PHF19: variants seen among roughly 807,000 people sequenced by gnomAD.
PHF19 encodes the protein PHD finger protein 19, also known as polycomb like 3.
PHF19 carries 21 observed loss-of-function variants against 79.8 expected under a neutral mutation model. That is an observed-to-expected ratio of 0.26 (90% CI 0.19 to 0.38). The LOEUF (loss-of-function observed/expected upper bound fraction) is 0.38. Among genes scored for constraint, PHF19 ranks in the 10% least tolerant of loss-of-function variants. PHF19 has a pLI of 1.00. For synonymous variants in PHF19, 273 were observed against 296.3 expected (o/e 0.92, Z 0.81); for missense variants, 445 against 744.2 (o/e 0.60, Z 4.68).
Position 120,860,914 on chromosome 9 carries a change from G to C in PHF19, c.1304+175C>G. On this transcript the variant is annotated intron_variant, in intron 13 of 14. Coordinates refer to ENST00000373896, the MANE Select transcript of PHF19 (RefSeq NM_015651.3). This position sits in a 1 kb window ranked among gnomAD's most constrained non-coding sequence, Gnocchi z 4.1. The stretch of plus-strand genomic sequence containing the variant: ...GGGCAAGGTGGGGAGGGCTGGAGAA[G>C]AGGGGAGGGCTGTGGTGCTCTGGGA... 1.7e-6 allele frequency: 1 copy of C among 584,930 alleles called. No homozygotes were observed. The highest frequency in any genetic ancestry group is 3.1e-6 in the Non-Finnish European group (1 of 320,714). The allele number at this position is 584,930 out of a possible 1,614,324, so 36.2% of individuals were successfully genotyped here.
At chr9:120,899,182 C>G (rs1197459852), upstream of PHF19, among the ~76,000 whole-genome samples, 424 of 102,540 alleles carry the variant, frequency 4.1e-3, no homozygotes, top group Middle Eastern at 0.034. Flanking sequence ...CTGGGCGACA[C>G]AACGAGACTC....
upstream of PHF19, among the ~76,000 whole-genome samples, chr9:120,895,341 C>A (rs966195016): frequency 6.6e-6 from 1 of 151,854 alleles, no homozygotes; most frequent in Admixed American, 6.6e-5. Flanking sequence ...AATCCTAGCA[C>A]TTAGGGATGG....
upstream of PHF19, among the ~76,000 whole-genome samples, chr9:120,881,141 G>A (rs1264823579): frequency 1.9e-5 from 2 of 104,870 alleles, no homozygotes; most frequent in Admixed American, 1.0e-4. Context: ...GAAGCACATC[G>A]GGGGTTTGTT....
chr9:120,898,937 G>T (rs904138623), upstream of PHF19, among the ~76,000 whole-genome samples: 1 of 152,106 alleles, frequency 6.6e-6, no homozygotes, highest in Admixed American at 6.5e-5. Flanking sequence ...GGTGGCTCAT[G>T]CCTGTAATCC....
At position 120,860,781 on chromosome 9, in the gene PHF19, T is replaced by C; in HGVS notation, c.1304+308A>G. On this transcript the variant is annotated intron_variant, in intron 13 of 14. Transcript: ENST00000373896. This position sits in a 1 kb window ranked among gnomAD's most constrained non-coding sequence, Gnocchi z 4.1. Reference sequence around the variant, plus strand: ...AGCCTTCCTGGAAGAAGCAGGGTCCTGAGTTTTCAGATGGGCTAGGGCAAG... The same window carrying C: ...AGCCTTCCTGGAAGAAGCAGGGTCCCGAGTTTTCAGATGGGCTAGGGCAAG... 3.3e-6 allele frequency: 1 copy of C among 307,336 alleles called. No homozygotes were observed. Among genetic ancestry groups the C allele is most frequent in the Non-Finnish European group, 6.3e-6 (1 of 157,748 alleles). 19.0% of individuals were successfully genotyped at this position (307,336 alleles called of 1,614,324 possible). A position where few individuals can be genotyped will look rare whatever the true frequency, so the allele number is the denominator to read the frequency against.
chr9:120,890,273 CTTTTTTTT>C (rs10658749), intron 1 of PHF19, among the ~76,000 whole-genome samples: 1 of 115,398 alleles, frequency 8.7e-6, no homozygotes. Flanking sequence ...AATGAGCCTG[CTTTTTTTT>C]TTTTTTTTTT....
chr9:120,861,213 G>T, intron 12 of PHF19, 39 bp from the exon 13 acceptor site: 2 of 1,193,468 alleles, frequency 1.7e-6, no homozygotes, highest in South Asian at 1.2e-5. Flanking sequence ...GTCAGACAGC[G>T]AGTATCAAAT....
chr9:120,881,208 C>T (rs1407036892), upstream of PHF19, among the ~76,000 whole-genome samples: 8 of 145,410 alleles, frequency 5.5e-5, no homozygotes, highest in African/African-American at 7.7e-5. Flanking sequence ...AGTGCAGTGG[C>T]GCGATCTCGG....
At chr9:120,899,644 G>T (rs374712807), upstream of PHF19, among the ~76,000 whole-genome samples, 51 of 152,336 alleles carry the variant, frequency 3.3e-4, 1 homozygote, top group African/African-American at 1.2e-3. Context: ...AGAAGCTGAG[G>T]CTTAGTTAGC....
rs140712884 is a variant in PHF19, at chr9:120,893,980, C to T, written c.42+808G>A. On this transcript the variant is annotated intron_variant, in intron 1 of 14. Coordinates refer to the PHF19 transcript ENST00000616568. ...CAAAATCTCCAGCCTCACTCCAGAA[C>T]TACTGACTCAAACCATGTGGGGCCC... Among the ~76,000 whole-genome samples the T allele has an allele frequency of 8.5e-4, 130 of 152,336 alleles. 1 individual carries two copies. Among genetic ancestry groups the T allele is most frequent in the Admixed American group, 6.0e-3 (92 of 15,302 alleles).
intron 6 of PHF19, chr9:120,868,819 C>G: frequency 9.6e-6 from 10 of 1,040,332 alleles, no homozygotes; most frequent in Non-Finnish European, 1.2e-5. Flanking sequence ...TCCCTGGGGC[C>G]CTGCTTGGGC....
upstream of PHF19, among the ~76,000 whole-genome samples, chr9:120,878,851 C>T (rs183272130): frequency 2.9e-4 from 44 of 152,322 alleles, no homozygotes; most frequent in African/African-American, 1.1e-3. Context: ...TAGGATTGTG[C>T]TACTTAACCA....
Position 120,874,183 on chromosome 9 carries a change from G to A in PHF19, c.187-123C>T. Reference sequence around the variant, plus strand: ...GAAAGCAGGGCTAGAAGGGGAAGAAGGATGGCAGTTCCTGGACAGGGTGTA... The same window carrying A: ...GAAAGCAGGGCTAGAAGGGGAAGAAAGATGGCAGTTCCTGGACAGGGTGTA... On this transcript the variant is annotated intron_variant, in intron 2 of 14. Coordinates refer to ENST00000373896, the MANE Select transcript of PHF19 (RefSeq NM_015651.3). This position sits in a 1 kb window ranked among gnomAD's most constrained non-coding sequence, Gnocchi z 4.5. The A allele has an allele frequency of 1.5e-6, 1 of 646,868 alleles. No individual in the cohort carries two copies. The allele number at this position is 646,868 out of a possible 1,614,324, so 40.1% of individuals were successfully genotyped here.
chr9:120,895,761 T>C (rs2046396179), upstream of PHF19, among the ~76,000 whole-genome samples: 1 of 152,168 alleles, frequency 6.6e-6, no homozygotes, highest in Non-Finnish European at 1.5e-5. Context: ...CAAGTGATTC[T>C]CCTGCCTCAG....
chr9:120,879,007 C>T (rs1047233984), upstream of PHF19, among the ~76,000 whole-genome samples: 4 of 152,030 alleles, frequency 2.6e-5, no homozygotes, highest in Non-Finnish European at 4.4e-5. Context: ...TCTGAGGCTA[C>T]AGGCCAGCTC....
At chr9:120,893,713 G>A (rs1400966627) in intron 1 of PHF19, among the ~76,000 whole-genome samples, 1 of 152,172 alleles carries the variant, frequency 6.6e-6, no homozygotes, top group Non-Finnish European at 1.5e-5. Context: ...TAGTGTCTGG[G>A]GCTCACTCCC....
At position 120,870,777 on chromosome 9, in the gene PHF19, T is replaced by A. The variant is rs2045873055; in HGVS notation, c.269-239A>T. On this transcript the variant is annotated intron_variant, in intron 3 of 14. Coordinates refer to ENST00000373896, the MANE Select transcript of PHF19 (RefSeq NM_015651.3). This position sits in a 1 kb window ranked among gnomAD's most constrained non-coding sequence, Gnocchi z 4.4. ...AGCTAGTAAGTAGGTGAGGGGGGGA[T>A]TAAACCCATGGCTGTTTGACATCAA... 6.6e-6 allele frequency among the ~76,000 whole-genome samples: 1 copy of A among 152,232 alleles called. No individual in the cohort carries two copies. Among genetic ancestry groups the A allele is most frequent in the Non-Finnish European group, 1.5e-5 (1 of 68,030 alleles).
upstream of PHF19, among the ~76,000 whole-genome samples, chr9:120,881,240 C>A (rs991949851): frequency 6.6e-6 from 1 of 151,416 alleles, no homozygotes; most frequent in East Asian, 2.0e-4. Context: ...CTCCGCCTCC[C>A]GGGTTCACGC....
intron 9 of PHF19, 132 bp from the exon 10 acceptor site, chr9:120,864,248 G>A: frequency 2.8e-6 from 2 of 721,978 alleles, no homozygotes; most frequent in Non-Finnish European, 4.9e-6. Context: ...ACTCACTCCA[G>A]GATCTCAGAA....
Sources: allele counts gnomAD v4.1 joint callset (sites outside exome capture counted in the v4.1 genomes callset), GRCh38; gene constraint gnomAD v4.1.1; non-coding constraint Gnocchi (gnomAD v3.1); transcripts MANE v1.5; gene names NCBI Gene and HGNC (gene_info 2026-07-23, HGNC 2026-07-21).